Variants in GALNT2 observed in about 807,000 individuals in gnomAD.
The protein encoded by GALNT2 is polypeptide N-acetylgalactosaminyltransferase 2, also known as UDP-GalNAc:polypeptide N-acetylgalactosaminyltransferase 2.
GALNT2 carries 31 observed loss-of-function variants against 81.4 expected under a neutral mutation model. The ratio of observed to expected loss-of-function variants is 0.38; its 90% confidence interval spans 0.29 to 0.51. GALNT2 has a LOEUF of 0.51. Ranked by LOEUF, GALNT2 falls within the 20% of genes least tolerant of loss-of-function variation. The pLI is 0.87. For missense variants in GALNT2, 629 were observed against 765.7 expected (o/e 0.82, Z 2.11); for synonymous variants, 303 against 287.4 (o/e 1.05, Z -0.55).
chr1:230,058,216 AG>A (rs1044728205), intron 1 of GALNT2: 4 of 431,062 alleles, frequency 9.3e-6, no homozygotes, highest in African/African-American at 8.1e-5. Context: ...AGGCTCACTC[AG>A]GGGCAGCCTG....
In GALNT2 at chr1:230,271,370, C is replaced by T. The variant is rs1333686273; in HGVS notation, c.1441-3075C>T. Reference sequence around the variant, plus strand: ...CTCTCACAAAACTTCTCACCTCTGACACCAGCCCTGTGGGCTTTTCCCCCC... The same window carrying T: ...CTCTCACAAAACTTCTCACCTCTGATACCAGCCCTGTGGGCTTTTCCCCCC... On this transcript the variant is annotated intron_variant, in intron 14 of 15. Coordinates refer to ENST00000366672, the MANE Select transcript of GALNT2 (RefSeq NM_004481.5). The surrounding 1 kb of genome is among the most constrained non-coding windows in gnomAD (Gnocchi z 4.2). Among the ~76,000 whole-genome samples the T allele has an allele frequency of 6.6e-6, 1 of 152,240 alleles. No homozygotes were observed. The highest frequency in any genetic ancestry group is 2.4e-5 in the African/African-American group (1 of 41,462).
intron 3 of GALNT2, among the ~76,000 whole-genome samples, chr1:230,228,597 A>G (rs1664783302): frequency 6.6e-6 from 1 of 152,070 alleles, no homozygotes; most frequent in African/African-American, 2.4e-5. Flanking sequence ...TCATCTATAT[A>G]TGAAGGATAG....
intron 3 of GALNT2, among the ~76,000 whole-genome samples, chr1:230,216,612 G>T (rs1333951411): frequency 6.6e-6 from 1 of 152,142 alleles, no homozygotes; most frequent in African/African-American, 2.4e-5. Flanking sequence ...TTGTTTAGTA[G>T]AGATGGGGTG....
At chr1:230,217,124 G>T (rs1310823689) in intron 3 of GALNT2, among the ~76,000 whole-genome samples, 1 of 152,086 alleles carries the variant, frequency 6.6e-6, no homozygotes, top group African/African-American at 2.4e-5. Flanking sequence ...CACATTAAGA[G>T]GATGGGGGAG....
intron 8 of GALNT2, 111 bp downstream of exon 8, chr1:230,246,261 G>A (rs1572133008): frequency 1.2e-6 from 1 of 855,714 alleles, no homozygotes; most frequent in East Asian, 2.5e-5. Context: ...TCACGCCGTA[G>A]TGTGTGTTCT....
chr1:230,227,562 CATAT>C (rs574499167), intron 3 of GALNT2, among the ~76,000 whole-genome samples: 1 of 146,020 alleles, frequency 6.8e-6, no homozygotes, highest in Non-Finnish European at 1.5e-5. Flanking sequence ...ATAATACAGC[CATAT>C]ATATATATAT....
Position 230,279,449 on chromosome 1 carries a change from G to A in GALNT2, c.1707G>A (p.Leu569=), listed in dbSNP as rs1319449008. The change falls in exon 16 of 16, where the codon CTG becomes CTA. Residue 569 remains leucine, a synonymous_variant. Coordinates refer to ENST00000366672, the MANE Select transcript of GALNT2 (RefSeq NM_004481.5). This position sits in a 1 kb window ranked among gnomAD's most constrained non-coding sequence, Gnocchi z 4.6. ...LSQQWKFTLN[L]QQ is the part of the protein sequence containing the mutation. ...AGCAGTGGAAGTTCACGCTCAACCTGCAGCAGTAGGAGGGTCCGGGAGGCC... is the reference window on the plus strand; with the variant it reads ...AGCAGTGGAAGTTCACGCTCAACCTACAGCAGTAGGAGGGTCCGGGAGGCC... The A allele has an allele frequency of 2.5e-6, 4 of 1,613,894 alleles. No individual in the cohort carries two copies. The highest frequency in any genetic ancestry group is 1.1e-5 in the South Asian group (1 of 91,058).
chr1:230,225,056 T>C (rs1664665526), intron 3 of GALNT2, among the ~76,000 whole-genome samples: 1 of 152,196 alleles, frequency 6.6e-6, no homozygotes, highest in Admixed American at 6.5e-5. Context: ...TTTAATGTCT[T>C]AGGATTTGGT....
chr1:230,212,557 G>A (rs1490926862), intron 3 of GALNT2, among the ~76,000 whole-genome samples: 1 of 152,136 alleles, frequency 6.6e-6, no homozygotes, highest in Non-Finnish European at 1.5e-5. Context: ...ATCTCTGCCT[G>A]TCAGTGTGAC....
chr1:230,092,185 T>TGTTTTTTTTTTTTG (rs371156205), intron 1 of GALNT2, among the ~76,000 whole-genome samples: 28,313 of 113,942 alleles, frequency 0.25, 3,130 homozygotes, highest in East Asian at 0.39. Flanking sequence ...AGTTTTTTTT[T>TGTTTTTTTTTTTTG]TTTTTTTTTT....
intron 3 of GALNT2, among the ~76,000 whole-genome samples, chr1:230,204,166 TTC>T (rs1491107876): frequency 7.4e-6 from 1 of 135,936 alleles, no homozygotes; most frequent in Non-Finnish European, 1.6e-5. Context: ...CTTTTTCTTT[TTC>T]TTTTTTTTTT....
chr1:230,062,114 A>C (rs1323422726), intron 1 of GALNT2, among the ~76,000 whole-genome samples: 3 of 152,120 alleles, frequency 2.0e-5, no homozygotes, highest in African/African-American at 7.2e-5. Context: ...TGATGGGAGG[A>C]TAAATAGTAT....
At chr1:230,217,594 C>T (rs1664429981) in intron 3 of GALNT2, among the ~76,000 whole-genome samples, 1 of 152,186 alleles carries the variant, frequency 6.6e-6, no homozygotes, top group Non-Finnish European at 1.5e-5. Context: ...GACTGGGTAA[C>T]TTACAAAGAA....
rs1260243528 is a variant in GALNT2, at chr1:230,281,766, C to G, written c.*2308C>G. ...GGTCCTTTGCGGTGAGCTATGTTTA[C>G]ATGACACAGTGTGCCAAAGTGACTT... On this transcript the variant is annotated 3_prime_UTR_variant, in exon 16 of 16. Coordinates refer to ENST00000366672, the MANE Select transcript of GALNT2 (RefSeq NM_004481.5). 1.3e-5 allele frequency: 2 copies of G among 152,616 alleles called. No individual in the cohort carries two copies. The allele number at this position is 152,616 out of a possible 1,614,324, so 9.5% of individuals were successfully genotyped here. A position where few individuals can be genotyped will look rare whatever the true frequency, so the allele number is the denominator to read the frequency against.
At chr1:230,253,201 A>G (rs181714920) in intron 10 of GALNT2, among the ~76,000 whole-genome samples, 49 of 152,330 alleles carry the variant, frequency 3.2e-4, no homozygotes, top group African/African-American at 1.2e-3. Flanking sequence ...GGAAACTTTC[A>G]CTGCTTATGC....
intron 15 of GALNT2, among the ~76,000 whole-genome samples, chr1:230,277,345 T>TAGA (rs1666329086): frequency 6.6e-6 from 1 of 152,090 alleles, no homozygotes; most frequent in Non-Finnish European, 1.5e-5. Flanking sequence ...TTGTTGTTGT[T>TAGA]TTTCTAAGGT....
intron 1 of GALNT2, among the ~76,000 whole-genome samples, chr1:230,071,317 C>T (rs1659366194): frequency 6.6e-6 from 1 of 152,148 alleles, no homozygotes; most frequent in South Asian, 2.1e-4. Context: ...GTTGTCCAGA[C>T]ACCATGCCAG....
Position 230,280,879 on chromosome 1 carries a change from A to G in GALNT2, c.*1421A>G, listed in dbSNP as rs562217577. The G allele has an allele frequency of 6.6e-6, 1 of 152,258 alleles. No homozygotes were observed. Among genetic ancestry groups the G allele is most frequent in the Non-Finnish European group, 1.5e-5 (1 of 68,072 alleles). 9.4% of individuals were successfully genotyped at this position (152,258 alleles called of 1,614,324 possible). On this transcript the variant is annotated 3_prime_UTR_variant, in exon 16 of 16. Transcript: ENST00000366672. Reference sequence around the variant, plus strand: ...CACAGACAGTTATGAACTGAAAGTCATAACGGGGAGAGGTGCCTGGCTTCT... The same window carrying G: ...CACAGACAGTTATGAACTGAAAGTCGTAACGGGGAGAGGTGCCTGGCTTCT...
chr1:230,278,998 C>T (rs557118164), intron 15 of GALNT2, among the ~76,000 whole-genome samples: 3 of 152,250 alleles, frequency 2.0e-5, no homozygotes, highest in South Asian at 4.1e-4. Context: ...GTGTTAATGA[C>T]GAAGGGGTGG....
Sources: allele counts gnomAD v4.1 joint callset (sites outside exome capture counted in the v4.1 genomes callset), GRCh38; gene constraint gnomAD v4.1.1; non-coding constraint Gnocchi (gnomAD v3.1); transcripts MANE v1.5; gene names NCBI Gene and HGNC (gene_info 2026-07-23, HGNC 2026-07-21).